DNMT1: variants seen among roughly 807,000 people sequenced by gnomAD.
DNMT1 encodes the protein DNA methyltransferase 1.
In DNMT1, 24 loss-of-function variants were observed where a neutral mutation model predicts 205.3. The ratio of observed to expected loss-of-function variants is 0.12; its 90% CI spans 0.08 to 0.16. The LOEUF is 0.16. Among genes scored for constraint, DNMT1 ranks in the 10% least tolerant of loss-of-function variants. The pLI is 1.00. For missense variants in DNMT1, 1,293 were observed against 2,177.7 expected (o/e 0.59, Z 8.09); for synonymous variants, 817 against 839.8 (o/e 0.97, Z 0.47).
At chr19:10,135,004 G>C (rs1218421428) in intron 39 of DNMT1, among the ~76,000 whole-genome samples, 4 of 151,976 alleles carry the variant, frequency 2.6e-5, no homozygotes, top group Non-Finnish European at 4.4e-5. Flanking sequence ...CTGAGGTCAA[G>C]AGTTCGGGAC....
At chr19:10,193,808 T>C (rs1187838671) in intron 1 of DNMT1, among the ~76,000 whole-genome samples, 1 of 152,138 alleles carries the variant, frequency 6.6e-6, no homozygotes, top group Non-Finnish European at 1.5e-5. Flanking sequence ...AAAGAGTGCT[T>C]TCACAAATCC....
chr19:10,158,113 G>A (rs1242427199), intron 17 of DNMT1, among the ~76,000 whole-genome samples: 1 of 152,196 alleles, frequency 6.6e-6, no homozygotes, highest in East Asian at 1.9e-4. Context: ...AACTTAGGGA[G>A]GAAGCTGAGA....
chr19:10,165,482 T>G (rs1296751039), intron 11 of DNMT1, among the ~76,000 whole-genome samples: 5 of 152,162 alleles, frequency 3.3e-5, no homozygotes, highest in African/African-American at 1.2e-4. Context: ...AACCTCTGCC[T>G]CCTGGGTTCA....
chr19:10,160,586 G>A (rs1460740803), intron 13 of DNMT1, among the ~76,000 whole-genome samples, 168 bp from the exon 14 acceptor site: 1 of 152,202 alleles, frequency 6.6e-6, no homozygotes, highest in East Asian at 1.9e-4. Flanking sequence ...ACCATCTAAA[G>A]TCATAGAATA....
Position 10,194,806 on chromosome 19 carries a change from C to G in DNMT1, c.80+14G>C, listed in dbSNP as rs766958409. 2.2e-5 allele frequency: 36 copies of G among 1,611,380 alleles called. No individual in the cohort carries two copies. The highest frequency in any genetic ancestry group is 2.2e-5 in the South Asian group (2 of 90,842). On this transcript the variant is annotated intron_variant, in intron 1 of 40. Transcript: ENST00000359526. The stretch of plus-strand genomic sequence containing the variant: ...CTGTCCCCCTGAGTCCGTGTTCCCC[C>G]CCATGGTACCTACCGCCTGCGGACA...
At position 10,138,377 on chromosome 19, in the gene DNMT1, G is replaced by A. The variant is rs372158548; in HGVS notation, c.4115+62C>T. The stretch of plus-strand genomic sequence containing the variant: ...CCAAGCCTCACCAGGGAGTACTCAC[G>A]GGCCCCATGAGCTACTGAGGCCTGC... On this transcript the variant is annotated intron_variant, in intron 35 of 40. Transcript: ENST00000359526. This position sits in a 1 kb window ranked among gnomAD's most constrained non-coding sequence, Gnocchi z 4.1. 113 of 1,609,876 alleles carry A rather than the reference G, an allele frequency of 7.0e-5. No homozygotes were observed. Among genetic ancestry groups the A allele is most frequent in the South Asian group, 3.5e-4 (32 of 90,820 alleles).
chr19:10,134,197 C>G lies in DNMT1; in HGVS notation c.4864+20G>C. On this transcript the variant is annotated intron_variant, in intron 40 of 40. Coordinates refer to ENST00000359526, the MANE Select transcript of DNMT1 (RefSeq NM_001130823.3). ...GAGGGCAGTCAGGCCCCAGAGGAAG[C>G]CTGGCCCACCCCACCATACCTGAGG... is the stretch of plus-strand genomic sequence containing the variant. The G allele has an allele frequency of 6.2e-7, 1 of 1,614,024 alleles. No homozygotes were observed.
rs761799236 is a variant in DNMT1, at chr19:10,166,657, GCTC to G, written c.829_831del (p.Glu277del). 1 of 1,614,156 alleles carries G rather than the reference GCTC, an allele frequency of 6.2e-7. No individual in the cohort carries two copies. Among genetic ancestry groups the G allele is most frequent in the South Asian group, 1.1e-5 (1 of 91,086 alleles). ...ACGCCTGCCCTGGCTTCTCTGTCCGGCTCCTCCTTCAGTTTCTGTTTGGGTGTT... is the reference window on the plus strand; with the variant it reads ...ACGCCTGCCCTGGCTTCTCTGTCCGGCTCCTTCAGTTTCTGTTTGGGTGTT... On this transcript the variant is annotated inframe_deletion, in exon 11 of 41. Transcript: ENST00000359526.
Position 10,149,904 on chromosome 19 carries a change from T to C in DNMT1, c.2330A>G (p.Asp777Gly). The change falls in exon 25 of 41, where the codon GAC (aspartate) becomes GGC (glycine). Residue 777 changes from aspartate (D) to glycine (G), a missense_variant. Around this residue, in one of 13 missense-constraint regions of DNMT1, gnomAD observed 197 missense variants for 353.6 expected, o/e 0.56. Transcript: ENST00000359526. ...CIDAETLEVG[D>G]CVSVIPDDSS... Reference sequence around the variant, plus strand: ...ATCATCTGGAATAACAGAGACACAGTCCCCCACTTCCAGGGTTTCCGCATC... The same window carrying C: ...ATCATCTGGAATAACAGAGACACAGCCCCCCACTTCCAGGGTTTCCGCATC... 6.2e-7 allele frequency: 1 copy of C among 1,614,084 alleles called. No homozygotes were observed. Among genetic ancestry groups the C allele is most frequent in the Non-Finnish European group, 8.5e-7 (1 of 1,180,018 alleles).
chr19:10,173,909 T>C lies in DNMT1; in HGVS notation c.649-4A>G. ...TAACTCTACGTCTCTTCTCATCCTG[T>C]GTGGAGGGAAGGAAGAACAAAAAAG... On this transcript the variant is annotated splice_region_variant and splice_polypyrimidine_tract_variant and intron_variant, in intron 7 of 40. Transcript: ENST00000359526. 6.2e-7 allele frequency: 1 copy of C among 1,613,866 alleles called. No individual in the cohort carries two copies. The highest frequency in any genetic ancestry group is 1.1e-5 in the South Asian group (1 of 91,074).
At chr19:10,168,795 G>A (rs2038744204) in intron 9 of DNMT1, among the ~76,000 whole-genome samples, 1 of 152,142 alleles carries the variant, frequency 6.6e-6, no homozygotes, top group African/African-American at 2.4e-5. Context: ...CTGAAAAGTA[G>A]CTCCAACTGA....
chr19:10,157,531 TC>T (rs2038482900), intron 17 of DNMT1, among the ~76,000 whole-genome samples: 1 of 152,110 alleles, frequency 6.6e-6, no homozygotes, highest in African/African-American at 2.4e-5. Context: ...AACCTGCTCA[TC>T]TAGACAAGGA....
chr19:10,193,443 A>G lies in DNMT1; in HGVS notation c.80+1377T>C, dbSNP rs556173366. Among the ~76,000 whole-genome samples the G allele has an allele frequency of 2.0e-5, 3 of 149,494 alleles. No individual in the cohort carries two copies. The East Asian group carries it at 6.3e-4, about 32-fold the overall frequency. ...AGCGCGATCTCAGCTCGCTACACAC[A>G]GCCTCAACCTCTGGGGCTCAAGTGA... On this transcript the variant is annotated intron_variant, in intron 1 of 40. Transcript: ENST00000359526.
At position 10,142,456 on chromosome 19, in the gene DNMT1, C is replaced by A. The variant is rs577177318; in HGVS notation, c.3117-236G>T. Among the ~76,000 whole-genome samples the A allele has an allele frequency of 8.0e-5, 12 of 150,806 alleles. 1 individual carries two copies. In the South Asian group the frequency reaches 2.5e-3, roughly 32 times the overall value. On this transcript the variant is annotated intron_variant, in intron 29 of 40. Transcript: ENST00000359526. ...ATTTAGGGAACTGCAGGGTAAAGAC[C>A]CCCCCTAGTTAGGGAACCACAGGGT...
chr19:10,169,305 G>A (rs2145347861), intron 9 of DNMT1, among the ~76,000 whole-genome samples: 1 of 150,994 alleles, frequency 6.6e-6, no homozygotes, highest in African/African-American at 2.4e-5. Flanking sequence ...CACTTTGGGA[G>A]GCCGAGATGG....
At position 10,151,512 on chromosome 19, in the gene DNMT1, G is replaced by A. The variant is rs1453740165; in HGVS notation, c.2151C>T (p.Asp717=). ...CPNMAMKEAD[D]DEEVDDNIPE... is the part of the protein sequence containing the mutation. ...GGATGTTATCATCGACTTCCTCATC[G>A]TCATCTGCCTCCTTCATGGCCATAT... The change falls in exon 24 of 41, where the codon GAC becomes GAT. Residue 717 remains aspartate (D), a synonymous_variant. Transcript: ENST00000359526. This position sits in a 1 kb window ranked among gnomAD's most constrained non-coding sequence, Gnocchi z 5.0. 1.1e-5 allele frequency: 18 copies of A among 1,613,942 alleles called. No individual in the cohort carries two copies. The highest frequency in any genetic ancestry group is 2.2e-5 in the East Asian group (1 of 44,876).
Position 10,168,324 on chromosome 19 carries a change from A to G in DNMT1, c.803+6T>C, listed in dbSNP as rs1247973447. ...CAAAGCACAAAGGCAGGTTCGCTGC[A>G]CTTACGGTTCTTTGGTTTGACTTCG... is the stretch of plus-strand genomic sequence containing the variant. On this transcript the variant is annotated splice_donor_region_variant and intron_variant, in intron 10 of 40. Coordinates refer to ENST00000359526, the MANE Select transcript of DNMT1 (RefSeq NM_001130823.3). 6.2e-7 allele frequency: 1 copy of G among 1,614,038 alleles called. No homozygotes were observed. Among genetic ancestry groups the G allele is most frequent in the Non-Finnish European group, 8.5e-7 (1 of 1,180,030 alleles).
At chr19:10,168,222 C>T (rs2038733862) in intron 10 of DNMT1, 108 bp downstream of exon 10, 2 of 1,276,226 alleles carry the variant, frequency 1.6e-6, no homozygotes, top group South Asian at 1.2e-5. Context: ...ACATAAGAGA[C>T]ATATGATTAG....
At chr19:10,139,979 G>A in intron 33 of DNMT1, 67 bp downstream of exon 33, 1 of 1,600,604 alleles carries the variant, frequency 6.2e-7, no homozygotes, top group Middle Eastern at 1.7e-4. Flanking sequence ...GGGCGAAAAT[G>A]ACCACTGCTG....
Sources: gnomAD v4.1 joint callset for allele counts (sites outside exome capture counted in the v4.1 genomes callset) on GRCh38, gnomAD v4.1.1 for gene constraint, gnomAD v4.1.1 regional missense constraint, Gnocchi (gnomAD v3.1) non-coding constraint, MANE v1.5 for transcripts, NCBI Gene and HGNC (gene_info 2026-07-23, HGNC 2026-07-21) for gene names.